The following ELAPOR2 variants were observed in gnomAD, a reference collection of about 807,000 sequenced individuals.
ELAPOR2 encodes the protein endosome/lysosome-associated apoptosis and autophagy regulator family member 2.
A neutral mutation model predicts 120.7 loss-of-function variants in ELAPOR2; 89 were observed. That is an observed-to-expected ratio of 0.74 (90% CI 0.62 to 0.88). The LOEUF is 0.88. ELAPOR2 is among the 40% of genes least tolerant of loss of function. The probability of loss-of-function intolerance (pLI) is 0.00; values close to 1 mark genes in which losing one functional copy is unlikely to be tolerated. For synonymous variants in ELAPOR2, 444 were observed against 444.9 expected (o/e 1.00, Z 0.03); for missense variants, 1,134 against 1,251.6 (o/e 0.91, Z 1.42).
chr7:87,039,708 C>G (rs909863599), intron 1 of ELAPOR2, among the ~76,000 whole-genome samples: 2 of 151,974 alleles, frequency 1.3e-5, no homozygotes, highest in East Asian at 1.9e-4. Flanking sequence ...TTTCAACATC[C>G]CTTTATGATA....
intron 10 of ELAPOR2, 117 bp from the exon 11 acceptor site, chr7:86,919,427 T>C: frequency 5.3e-6 from 3 of 566,964 alleles, no homozygotes; most frequent in Non-Finnish European, 5.9e-6. Flanking sequence ...AAGTTAGAAA[T>C]GCTACAAATG....
intron 1 of ELAPOR2, among the ~76,000 whole-genome samples, chr7:87,005,191 A>G (rs1793433380): frequency 6.6e-6 from 1 of 152,180 alleles, no homozygotes; most frequent in South Asian, 2.1e-4. Context: ...CTCAATACGT[A>G]TACACCAAAC....
At chr7:86,949,928 C>T (rs1484496081) in intron 2 of ELAPOR2, among the ~76,000 whole-genome samples, 1 of 152,232 alleles carries the variant, frequency 6.6e-6, no homozygotes, top group Non-Finnish European at 1.5e-5. Flanking sequence ...CAAAGCCCCA[C>T]CTTCAAGCCA....
rs200243026 is a variant in ELAPOR2 at position 86,893,286 on chromosome 7, G to GA, written c.2686-187dup. 1.0e-3 allele frequency among the ~76,000 whole-genome samples: 155 copies of GA among 151,662 alleles called. 2 individuals carry two copies. In the East Asian group the frequency reaches 0.01, roughly 10 times the overall value. On this transcript the variant is annotated intron_variant, in intron 19 of 21. Coordinates refer to ENST00000450689, the MANE Select transcript of ELAPOR2 (RefSeq NM_001142749.3). ...TTTAATAAAAGCTCCAGAAACACAGGAAAAAAATATATGTGAATGAATAAG... is the reference window on the plus strand; with the variant it reads ...TTTAATAAAAGCTCCAGAAACACAGGAAAAAAAATATATGTGAATGAATAAG...
intron 1 of ELAPOR2, among the ~76,000 whole-genome samples, chr7:87,017,092 G>A (rs1793893506): frequency 2.0e-5 from 3 of 152,132 alleles, no homozygotes; most frequent in South Asian, 2.1e-4. Context: ...TGTTGAAGAC[G>A]AAATTTGTAT....
chr7:86,936,728 C>CAT (rs1790576659), intron 8 of ELAPOR2, among the ~76,000 whole-genome samples: 1 of 152,074 alleles, frequency 6.6e-6, no homozygotes, highest in African/African-American at 2.4e-5. Flanking sequence ...GCGTATTCTG[C>CAT]ATATACATTT....
chr7:87,040,450 T>C (rs1171583208), intron 1 of ELAPOR2, among the ~76,000 whole-genome samples: 1 of 152,200 alleles, frequency 6.6e-6, no homozygotes, highest in Admixed American at 6.5e-5. Flanking sequence ...CCTCCTCAAG[T>C]GGGTCCCTGA....
At chr7:86,954,933 A>G (rs113265480) in intron 2 of ELAPOR2, among the ~76,000 whole-genome samples, 35 of 152,126 alleles carry the variant, frequency 2.3e-4, no homozygotes, top group African/African-American at 8.2e-4. Context: ...GCCATTAAGG[A>G]TAATACAAAG....
At chr7:86,992,393 T>C (rs934195515) in intron 1 of ELAPOR2, among the ~76,000 whole-genome samples, 1 of 152,146 alleles carries the variant, frequency 6.6e-6, no homozygotes, top group African/African-American at 2.4e-5. Flanking sequence ...ATCGTGCCAC[T>C]GCACTCCAGC....
At chr7:86,953,551 A>C (rs377605272) in intron 2 of ELAPOR2, among the ~76,000 whole-genome samples, 4 of 152,316 alleles carry the variant, frequency 2.6e-5, no homozygotes, top group East Asian at 3.9e-4. Flanking sequence ...TAATAATCTT[A>C]AAGACTGTAC....
chr7:86,920,784 AG>A (rs1164571627), intron 10 of ELAPOR2: 1 of 152,194 alleles, frequency 6.6e-6, no homozygotes, highest in Non-Finnish European at 1.5e-5. Flanking sequence ...ACCCCAAGCC[AG>A]GGCCTTGAAC....
At chr7:87,020,552 A>G (rs1794005815) in intron 1 of ELAPOR2, among the ~76,000 whole-genome samples, 1 of 152,308 alleles carries the variant, frequency 6.6e-6, no homozygotes, top group Non-Finnish European at 1.5e-5. Context: ...ATTTATATGT[A>G]ACGTCCAGAA....
intron 1 of ELAPOR2, among the ~76,000 whole-genome samples, chr7:87,014,597 A>C (rs1042591290): frequency 6.6e-6 from 1 of 152,222 alleles, no homozygotes; most frequent in Non-Finnish European, 1.5e-5. Flanking sequence ...AAAAAATGTG[A>C]CGCTTAAAGA....
chr7:86,961,187 AAC>A (rs1562945118), intron 2 of ELAPOR2, among the ~76,000 whole-genome samples: 1 of 152,186 alleles, frequency 6.6e-6, no homozygotes, highest in Admixed American at 6.5e-5. Context: ...CACAAGATTA[AAC>A]AAAGTCCCTA....
chr7:86,931,368 C>T (rs1229220268), intron 8 of ELAPOR2, among the ~76,000 whole-genome samples: 4 of 151,878 alleles, frequency 2.6e-5, no homozygotes, highest in Non-Finnish European at 5.9e-5. Flanking sequence ...GCCATGAGTG[C>T]CCAAAGGAAA....
At chr7:86,929,595 G>A (rs189442411) in intron 8 of ELAPOR2, among the ~76,000 whole-genome samples, 3 of 152,062 alleles carry the variant, frequency 2.0e-5, no homozygotes, top group Non-Finnish European at 4.4e-5. Context: ...TAAGTAGGTC[G>A]TCAGCCTGCC....
intron 1 of ELAPOR2, among the ~76,000 whole-genome samples, chr7:86,999,643 A>T (rs1394596773): frequency 6.6e-6 from 1 of 152,206 alleles, no homozygotes; most frequent in East Asian, 1.9e-4. Flanking sequence ...CATAAAGTGG[A>T]TAAACCCTCT....
At chr7:86,998,070 A>C (rs1793184490) in intron 1 of ELAPOR2, among the ~76,000 whole-genome samples, 1 of 152,172 alleles carries the variant, frequency 6.6e-6, no homozygotes, top group Non-Finnish European at 1.5e-5. Context: ...AAATGCATGT[A>C]CATATTTATC....
intron 1 of ELAPOR2, among the ~76,000 whole-genome samples, chr7:86,986,107 G>T (rs1361848950): frequency 1.3e-5 from 2 of 149,084 alleles, no homozygotes; most frequent in East Asian, 3.9e-4. Context: ...ATCAGGAAAA[G>T]AGGAAGTCAA....
Sources: allele counts gnomAD v4.1 joint callset (sites outside exome capture counted in the v4.1 genomes callset), GRCh38; gene constraint gnomAD v4.1.1; transcripts MANE v1.5; gene names NCBI Gene and HGNC (gene_info 2026-07-23, HGNC 2026-07-21).